Variants in KRT32 observed in about 807,000 individuals in gnomAD.
KRT32 encodes keratin 32, also known as keratin, type I cuticular Ha2.
A neutral mutation model predicts 41.8 loss-of-function variants in KRT32; 44 were observed. The ratio of observed to expected loss-of-function variants is 1.05; its 90% CI spans 0.83 to 1.35. The LOEUF (loss-of-function observed/expected upper bound fraction) is 1.35, where lower values mean the gene tolerates loss of function less well. Ranked by LOEUF, KRT32 falls within the 40% of genes most tolerant of loss-of-function variation. The pLI is 0.00. For missense variants in KRT32, 576 were observed against 584.6 expected, an observed-to-expected ratio of 0.99 and a Z score of 0.15; for synonymous variants, 238 against 242.5, an observed-to-expected ratio of 0.98 and a Z score of 0.17.
intron 1 of KRT32, 151 bp from the exon 2 acceptor site, chr17:41,466,327 T>C: frequency 1.7e-6 from 1 of 600,748 alleles, no homozygotes; most frequent in Non-Finnish European, 2.9e-6. Flanking sequence ...TGGGAGATAT[T>C]TAGCGAATTG....
intron 6 of KRT32, 102 bp from the exon 7 acceptor site, chr17:41,460,341 G>A (rs189421862): frequency 4.8e-5 from 67 of 1,401,616 alleles, no homozygotes; most frequent in Admixed American, 1.0e-4. Flanking sequence ...CCCATCTTCC[G>A]TGCTTTCTCT....
At position 41,465,816 on chromosome 17, in the gene KRT32, G is replaced by T. The variant is rs2071561; in HGVS notation, c.665C>A (p.Ser222Tyr). 0.49 allele frequency: 797,955 copies of T among 1,612,162 alleles called. 201,818 individuals carry two copies. The highest frequency in any genetic ancestry group is 0.66 in the South Asian group (60,023 of 90,970). The change falls in exon 3 of 7, where the codon TCC (serine) becomes TAC (tyrosine). Residue 222 changes from serine (S) to tyrosine (Y), a missense_variant. Transcript: ENST00000225899. ...CKADLEAQVE[S>Y]LKEELMCLKK... The stretch of plus-strand genomic sequence containing the variant: ...GAGGCACATCAGCTCCTCCTTCAGG[G>T]ACTCAACCTGGGCCTCCAGGTCAGC...
At position 41,459,938 on chromosome 17, in the gene KRT32, G is replaced by A. The variant is rs1291100299; in HGVS notation, c.*172C>T. 3.3e-6 allele frequency: 2 copies of A among 613,160 alleles called. No homozygotes were observed. The highest frequency in any genetic ancestry group is 5.4e-6 in the Non-Finnish European group (2 of 370,190). 38.0% of individuals were successfully genotyped at this position (613,160 alleles called of 1,614,324 possible). A position where few individuals can be genotyped will look rare whatever the true frequency, so the allele number is the denominator to read the frequency against. The stretch of plus-strand genomic sequence containing the variant: ...ACCCATGGAAAAAAGAGGCAGTTTT[G>A]AAGTGATGAGGGCTTAAGTATCCCC... On this transcript the variant is annotated 3_prime_UTR_variant, in exon 7 of 7. Coordinates refer to ENST00000225899, the MANE Select transcript of KRT32 (RefSeq NM_002278.3).
chr17:41,467,099 C>T lies in KRT32; in HGVS notation c.227G>A (p.Gly76Asp), dbSNP rs761856900. ...YLSSSCQAAS[G>D]ISGSMGPGSW... ...GCCGGGGCCCATGGAGCCGGAGATG[C>T]CACTGGCTGCCTGGCAGGAACTGGA... The change falls in exon 1 of 7, where the codon GGC becomes GAC. Residue 76 changes from glycine to aspartate, a missense_variant. Coordinates refer to ENST00000225899, the MANE Select transcript of KRT32 (RefSeq NM_002278.3). 1.1e-5 allele frequency: 18 copies of T among 1,614,124 alleles called. No individual in the cohort carries two copies. In the Admixed American group the frequency reaches 2.3e-4, roughly 21 times the overall value.
chr17:41,461,124 C>G (rs1567700612), intron 6 of KRT32, among the ~76,000 whole-genome samples: 1 of 152,178 alleles, frequency 6.6e-6, no homozygotes, highest in Non-Finnish European at 1.5e-5. Flanking sequence ...CTCACGTCCT[C>G]CTTGAAGCCT....
rs765543542 is a variant in KRT32, at chr17:41,467,112, G to A, written c.214C>T (p.Gln72Ter). The A allele has an allele frequency of 5.6e-6, 9 of 1,614,162 alleles. No homozygotes were observed. Among genetic ancestry groups the A allele is most frequent in the South Asian group, 3.3e-5 (3 of 91,084 alleles). Residue 72 changes from glutamine to a stop codon, truncating the protein, a stop_gained, in exon 1 of 7, where the codon CAG becomes TAG. Transcript: ENST00000225899. LOFTEE classifies it high-confidence loss of function. ...LSKTYLSSSC[Q>*]AASGISGSMG... is the part of the protein sequence containing the mutation. Reference sequence around the variant, plus strand: ...GAGCCGGAGATGCCACTGGCTGCCTGGCAGGAACTGGATAGATAGGTTTTG... The same window carrying A: ...GAGCCGGAGATGCCACTGGCTGCCTAGCAGGAACTGGATAGATAGGTTTTG...
Position 41,462,818 on chromosome 17 carries a change from G to A in KRT32, c.1217+12C>T. On this transcript the variant is annotated intron_variant, in intron 6 of 6. Transcript: ENST00000225899. The stretch of plus-strand genomic sequence containing the variant: ...GCCCACGTCTCTCTAAGCCTCAGCT[G>A]GGCCTGCGTACTTGCAGTCCTCGTT... 6.2e-7 allele frequency: 1 copy of A among 1,612,476 alleles called. No homozygotes were observed. Among genetic ancestry groups the A allele is most frequent in the Non-Finnish European group, 8.5e-7 (1 of 1,179,598 alleles).
Position 41,460,024 on chromosome 17 carries a change from C to A in KRT32, c.*86G>T. ...CCTGCTCAGGGTCTTCCTTGCTGAC[C>A]GGGGCTGGCCCTGCTCTTCTGGTGG... On this transcript the variant is annotated 3_prime_UTR_variant, in exon 7 of 7. Coordinates refer to ENST00000225899, the MANE Select transcript of KRT32 (RefSeq NM_002278.3). The A allele has an allele frequency of 7.1e-7, 1 of 1,405,718 alleles. No homozygotes were observed. Among genetic ancestry groups the A allele is most frequent in the South Asian group, 1.4e-5 (1 of 69,758 alleles). 87.1% of individuals were successfully genotyped at this position (1,405,718 alleles called of 1,614,324 possible). A position where few individuals can be genotyped will look rare whatever the true frequency, so the allele number is the denominator to read the frequency against.
chr17:41,466,292 C>A, intron 1 of KRT32, 116 bp from the exon 2 acceptor site: 1 of 738,684 alleles, frequency 1.4e-6, no homozygotes, highest in East Asian at 2.7e-5. Flanking sequence ...GCCATCCCTG[C>A]AGAAGGTCCT....
chr17:41,465,732 T>C, intron 3 of KRT32, 41 bp downstream of exon 3: 1 of 1,588,810 alleles, frequency 6.3e-7, no homozygotes. Flanking sequence ...TTCCTCCCCC[T>C]CTGCTTCCCG....
intron 5 of KRT32, 133 bp downstream of exon 5, chr17:41,463,945 G>T: frequency 2.2e-6 from 2 of 906,790 alleles, no homozygotes; most frequent in Non-Finnish European, 1.5e-6. Context: ...ACCTCCCTCC[G>T]GGAAAAGTCA....
chr17:41,463,515 G>A (rs2019029454), intron 5 of KRT32, among the ~76,000 whole-genome samples: 1 of 152,206 alleles, frequency 6.6e-6, no homozygotes, highest in Admixed American at 6.5e-5. Flanking sequence ...GACCAGCCTG[G>A]CCAACATGGT....
Position 41,467,243 on chromosome 17 carries a change from C to A in KRT32, c.83G>T (p.Gly28Val), listed in dbSNP as rs142459049. 30 of 1,613,652 alleles carry A rather than the reference C, an allele frequency of 1.9e-5. No individual in the cohort carries two copies. The highest frequency in any genetic ancestry group is 6.7e-5 in the Admixed American group (4 of 60,004). ...CPRPASVCSS[G>V]VNCRPELCLG... ...GCACAGCTCAGGCCGGCAGTTCACGCCGCTGGAACAGACCGAGGCAGGCCG... is the reference window on the plus strand; with the variant it reads ...GCACAGCTCAGGCCGGCAGTTCACGACGCTGGAACAGACCGAGGCAGGCCG... The change falls in exon 1 of 7, where the codon GGC (glycine) becomes GTC (valine). Residue 28 changes from glycine to valine, a missense_variant. Physicochemically the swap from Gly to Val is moderately radical, Grantham distance 109 (BLOSUM62 -3). Transcript: ENST00000225899.
intron 6 of KRT32, among the ~76,000 whole-genome samples, chr17:41,460,697 C>T (rs538121378): frequency 3.6e-4 from 55 of 152,066 alleles, no homozygotes; most frequent in African/African-American, 1.3e-3. Flanking sequence ...TGGGGCCTGT[C>T]GAGAGGTGAG....
chr17:41,467,326 G>T lies in KRT32; in HGVS notation c.-1C>A, dbSNP rs777723379. ...TGGTGACACAGCAGGAGGATGTCATGTTGGAGAGGCCCTTTCTCCTCAGCC... is the reference window on the plus strand; with the variant it reads ...TGGTGACACAGCAGGAGGATGTCATTTTGGAGAGGCCCTTTCTCCTCAGCC... On this transcript the variant is annotated 5_prime_UTR_variant, in exon 1 of 7. Coordinates refer to ENST00000225899, the MANE Select transcript of KRT32 (RefSeq NM_002278.3). 3.1e-6 allele frequency: 5 copies of T among 1,600,742 alleles called. No homozygotes were observed. The highest frequency in any genetic ancestry group is 4.3e-6 in the Non-Finnish European group (5 of 1,172,592).
chr17:41,464,206 G>A lies in KRT32; in HGVS notation c.871-3C>T. 4 of 1,600,186 alleles carry A rather than the reference G, an allele frequency of 2.5e-6. No individual in the cohort carries two copies. Among genetic ancestry groups the A allele is most frequent in the South Asian group, 1.1e-5 (1 of 88,880 alleles). ...ACCTGTTGGTTAAGCTCCTCCATCTGCAGTTGGGGGAAGGAGAAGGCTAGA... is the reference window on the plus strand; with the variant it reads ...ACCTGTTGGTTAAGCTCCTCCATCTACAGTTGGGGGAAGGAGAAGGCTAGA... On this transcript the variant is annotated splice_region_variant and splice_polypyrimidine_tract_variant and intron_variant, in intron 4 of 6. Coordinates refer to ENST00000225899, the MANE Select transcript of KRT32 (RefSeq NM_002278.3).
chr17:41,463,800 T>G (rs1183027951), intron 5 of KRT32, among the ~76,000 whole-genome samples: 1 of 152,156 alleles, frequency 6.6e-6, no homozygotes, highest in Non-Finnish European at 1.5e-5. Context: ...TGGGTGATAT[T>G]GAGATCCATA....
chr17:41,465,488 G>T (rs1005196379), intron 3 of KRT32, among the ~76,000 whole-genome samples: 1 of 152,018 alleles, frequency 6.6e-6, no homozygotes, highest in Admixed American at 6.6e-5. Context: ...AAGGGAAGGG[G>T]GCTACACTTC....
rs1175343246 is a variant in KRT32 at position 41,465,893 on chromosome 17, C to T, written c.588G>A (p.Glu196=). 4.3e-6 allele frequency: 7 copies of T among 1,613,894 alleles called. No individual in the cohort carries two copies. Among genetic ancestry groups the T allele is most frequent in the Non-Finnish European group, 5.9e-6 (7 of 1,179,924 alleles). Residue 196 remains glutamate (E), a synonymous_variant, in exon 3 of 7, where the codon GAG becomes GAA. Transcript: ENST00000225899. The stretch of plus-strand genomic sequence containing the variant: ...TCCTGCGCAGGCCATTGATGTCGGC[C>T]TCCACCAGCTGCCGCATGGCCAGCT... ...EAELAMRQLV[E]ADINGLRRIL...
Sources: allele counts gnomAD v4.1 joint callset (sites outside exome capture counted in the v4.1 genomes callset), GRCh38; gene constraint gnomAD v4.1.1; transcripts MANE v1.5; gene names NCBI Gene and HGNC (gene_info 2026-07-23, HGNC 2026-07-21).